Variants in LIN54 observed in about 807,000 individuals in gnomAD.
The protein encoded by LIN54 is lin-54 DREAM MuvB core complex component, also known as protein lin-54 homolog.
A neutral mutation model predicts 78.7 loss-of-function variants in LIN54; 9 were observed. The ratio of observed to expected loss-of-function variants is 0.11; its 90% CI spans 0.07 to 0.20. The LOEUF (loss-of-function observed/expected upper bound fraction) is 0.20, where lower values mean the gene tolerates loss of function less well. Ranked by LOEUF, LIN54 falls within the 10% of genes least tolerant of loss-of-function variation. The pLI is 1.00. For missense variants in LIN54, 573 were observed against 889.9 expected, an observed-to-expected ratio of 0.64 and a Z score of 4.53; for synonymous variants, 269 against 318.4, an observed-to-expected ratio of 0.84 and a Z score of 1.65.
intron 1 of LIN54, among the ~76,000 whole-genome samples, chr4:82,986,689 C>T (rs1394604342): frequency 8.5e-6 from 1 of 116,968 alleles, no homozygotes; most frequent in Admixed American, 1.1e-4. Flanking sequence ...GGCGACAGAG[C>T]GAGACCCCAT....
intron 3 of LIN54, among the ~76,000 whole-genome samples, chr4:82,975,161 C>T (rs1403882068): frequency 2.6e-5 from 4 of 151,882 alleles, no homozygotes; most frequent in African/African-American, 9.7e-5. Flanking sequence ...AGTTCAAGAC[C>T]AGCCTGGCCA....
intron 1 of LIN54, among the ~76,000 whole-genome samples, chr4:83,004,353 C>A (rs1375258901): frequency 1.4e-5 from 2 of 140,356 alleles, no homozygotes; most frequent in African/African-American, 2.7e-5. Context: ...GAGCCAAGAT[C>A]GCGCCACTGT....
At chr4:82,948,982 G>A (rs533619935) in intron 4 of LIN54, among the ~76,000 whole-genome samples, 1 of 152,258 alleles carries the variant, frequency 6.6e-6, no homozygotes, top group African/African-American at 2.4e-5. Context: ...ACATGGAAGT[G>A]CAGATATCCT....
At chr4:83,003,726 A>C (rs936172072) in intron 1 of LIN54, among the ~76,000 whole-genome samples, 6 of 152,012 alleles carry the variant, frequency 3.9e-5, no homozygotes, top group Non-Finnish European at 1.5e-5. Flanking sequence ...GGGTCTCGCC[A>C]TGTTGCCCAG....
intron 1 of LIN54, among the ~76,000 whole-genome samples, chr4:83,005,563 T>C (rs891270812): frequency 6.7e-6 from 1 of 149,532 alleles, no homozygotes; most frequent in Non-Finnish European, 1.5e-5. Context: ...AGGCAGAGGT[T>C]GCAGTGAGCC....
chr4:82,935,391 C>T (rs917446137), intron 11 of LIN54, among the ~76,000 whole-genome samples: 4 of 151,706 alleles, frequency 2.6e-5, no homozygotes, highest in African/African-American at 7.3e-5. Context: ...TGGGTTCAAG[C>T]GATTCTCGTG....
intron 1 of LIN54, 45 bp downstream of exon 1, chr4:83,010,439 A>G: frequency 1.8e-6 from 1 of 568,242 alleles, no homozygotes; most frequent in Non-Finnish European, 2.2e-6. Flanking sequence ...CCAAATAAAG[A>G]GATCTCCGGA....
chr4:82,972,722 C>T (rs948088713), intron 3 of LIN54, among the ~76,000 whole-genome samples: 106 of 152,238 alleles, frequency 7.0e-4, no homozygotes, highest in African/African-American at 2.4e-3. Flanking sequence ...GTGGCTCACG[C>T]CTGTAATCCC....
intron 3 of LIN54, among the ~76,000 whole-genome samples, chr4:82,974,240 G>T (rs1268495808): frequency 1.3e-5 from 2 of 151,686 alleles, no homozygotes; most frequent in African/African-American, 4.8e-5. Flanking sequence ...AAAAAAAGGT[G>T]CCAAAAATTG....
chr4:82,998,448 CAGA>C (rs1424708763), intron 1 of LIN54, among the ~76,000 whole-genome samples: 5 of 151,440 alleles, frequency 3.3e-5, no homozygotes, highest in Non-Finnish European at 7.4e-5. Context: ...GAGGCTGAGG[CAGA>C]AGAATTGCTT....
intron 1 of LIN54, among the ~76,000 whole-genome samples, chr4:83,003,147 G>A (rs910118989): frequency 1.7e-4 from 26 of 152,066 alleles, no homozygotes; most frequent in Non-Finnish European, 3.1e-4. Flanking sequence ...CTGAGTAGCT[G>A]GGATTACAGA....
At chr4:82,932,092 A>AT (rs70943171) in intron 11 of LIN54, among the ~76,000 whole-genome samples, 20,442 of 124,790 alleles carry the variant, frequency 0.16, 2,229 homozygotes, top group South Asian at 0.27. Context: ...GTGTATTTTA[A>AT]TTTTTTTTTT....
chr4:83,004,725 G>A (rs1350809117), intron 1 of LIN54, among the ~76,000 whole-genome samples: 1 of 151,914 alleles, frequency 6.6e-6, no homozygotes, highest in Admixed American at 6.6e-5. Context: ...TCTTGCACTC[G>A]TGGACTCAAG....
intron 11 of LIN54, among the ~76,000 whole-genome samples, chr4:82,933,965 A>G (rs1722179100): frequency 6.6e-6 from 1 of 152,158 alleles, no homozygotes; most frequent in Non-Finnish European, 1.5e-5. Context: ...AGAAGTGTTA[A>G]TTTTTACATA....
intron 9 of LIN54, 50 bp from the exon 10 acceptor site, chr4:82,936,431 T>C (rs1192629357): frequency 1.1e-6 from 1 of 923,694 alleles, no homozygotes; most frequent in African/African-American, 1.7e-5. Context: ...TAAGGAAAAC[T>C]AATTATCTGA....
At chr4:82,994,418 G>C (rs1489971388) in intron 1 of LIN54, among the ~76,000 whole-genome samples, 1 of 148,770 alleles carries the variant, frequency 6.7e-6, no homozygotes, top group African/African-American at 2.5e-5. Flanking sequence ...TTTTTTTTGA[G>C]ACAGAGTCTT....
In LIN54 at chr4:82,927,471, T is replaced by C. The variant is rs931148252; in HGVS notation, c.*631A>G. 1.3e-5 allele frequency: 2 copies of C among 152,222 alleles called. No homozygotes were observed. The highest frequency in any genetic ancestry group is 2.9e-5 in the Non-Finnish European group (2 of 68,048). The allele number at this position is 152,222 out of a possible 1,614,324, so 9.4% of individuals were successfully genotyped here. ...AACACATTGCCCATCCTCTGAGATT[T>C]ACTGTCCTTTAATATTTTATATGTT... is the stretch of plus-strand genomic sequence containing the variant. On this transcript the variant is annotated 3_prime_UTR_variant, in exon 13 of 13. Transcript: ENST00000340417.
chr4:82,949,638 C>T (rs936482641), intron 4 of LIN54, among the ~76,000 whole-genome samples: 3 of 151,838 alleles, frequency 2.0e-5, no homozygotes, highest in East Asian at 2.0e-4. Flanking sequence ...CCCAAGTGAT[C>T]GGCCTCCCTC....
chr4:82,928,109 T>C lies in LIN54; in HGVS notation c.2243A>G (p.Asn748Ser). ...CAGTCTTTTGTGCAAGAGTTAGCAA[T>C]TCATGGCACAAGGGTCACTTTTTGC... Reference protein sequence around the residue: ...GKAKSDPCAMNC With the variant: ...GKAKSDPCAMSC The change falls in exon 13 of 13, where the codon AAT (asparagine) becomes AGT (serine). Residue 748 changes from asparagine to serine, a missense_variant. Asn to Ser is a conservative substitution (Grantham distance 46, BLOSUM62 1). Transcript: ENST00000340417. 2 of 1,613,956 alleles carry C rather than the reference T, an allele frequency of 1.2e-6. No individual in the cohort carries two copies. Among genetic ancestry groups the C allele is most frequent in the Non-Finnish European group, 1.7e-6 (2 of 1,179,790 alleles).
Sources: gnomAD v4.1 joint callset for allele counts (sites outside exome capture counted in the v4.1 genomes callset) on GRCh38, gnomAD v4.1.1 for gene constraint, MANE v1.5 for transcripts, NCBI Gene and HGNC (gene_info 2026-07-23, HGNC 2026-07-21) for gene names.